Variants in POC1B observed in about 807,000 individuals in gnomAD.
POC1B encodes POC1 centriolar protein B.
A neutral mutation model predicts 60.6 loss-of-function variants in POC1B; 44 were observed. The ratio of observed to expected loss-of-function variants is 0.73; its 90% confidence interval spans 0.57 to 0.93. POC1B has a LOEUF of 0.93. Ranked by LOEUF, POC1B falls within the 40% of genes least tolerant of loss-of-function variation. POC1B has a pLI of 0.00. For synonymous variants in POC1B, 180 were observed against 198.9 expected, an observed-to-expected ratio of 0.90 and a Z score of 0.80; for missense variants, 555 against 572.3, an observed-to-expected ratio of 0.97 and a Z score of 0.31.
chr12:89,423,963 C>A (rs538673548), intron 11 of POC1B, among the ~76,000 whole-genome samples: 59 of 152,242 alleles, frequency 3.9e-4, no homozygotes, highest in African/African-American at 4.8e-5. Context: ...AAACCAACTA[C>A]AACTAAATTT....
chr12:89,406,899 A>G, the POC1B span, among the ~76,000 whole-genome samples: 27 of 152,208 alleles, frequency 1.8e-4, 1 homozygote, highest in African/African-American at 6.3e-4. Context: ...TAATCCCAGC[A>G]CTTTGGGAGG....
chr12:89,467,504 C>A, intron 8 of POC1B, 113 bp downstream of exon 8: 2 of 823,346 alleles, frequency 2.4e-6, no homozygotes, highest in Non-Finnish European at 1.9e-6. Flanking sequence ...AAAATATAAA[C>A]TCATTGACAA....
At chr12:89,464,837 G>T (rs1313662884) in intron 9 of POC1B, among the ~76,000 whole-genome samples, 6 of 150,498 alleles carry the variant, frequency 4.0e-5, no homozygotes, top group African/African-American at 1.5e-4. Context: ...TACAACAATT[G>T]GTTGTTCATA....
intron 2 of POC1B, among the ~76,000 whole-genome samples, chr12:89,509,754 A>G (rs1870085794): frequency 6.6e-6 from 1 of 152,148 alleles, no homozygotes; most frequent in South Asian, 2.1e-4. Context: ...CATGCTCAAT[A>G]TATCTTTGCT....
intron 4 of POC1B, among the ~76,000 whole-genome samples, chr12:89,478,718 ATT>A (rs1160468561): frequency 6.6e-6 from 1 of 152,206 alleles, no homozygotes; most frequent in African/African-American, 2.4e-5. Context: ...AAAATGGTAA[ATT>A]TTGTTATATA....
At chr12:89,486,466 G>C (rs1039374183) in intron 4 of POC1B, among the ~76,000 whole-genome samples, 1 of 152,182 alleles carries the variant, frequency 6.6e-6, no homozygotes, top group African/African-American at 2.4e-5. Context: ...CACTTGAGGA[G>C]ACTTGTCTGG....
intron 2 of POC1B, among the ~76,000 whole-genome samples, chr12:89,514,402 C>CTTTTTCTTTTTTTT (rs1870342345): frequency 1.5e-5 from 1 of 67,088 alleles, no homozygotes; most frequent in Non-Finnish European, 2.6e-5. Flanking sequence ...TCATGTATTT[C>CTTTTTCTTTTTTTT]TTTTTTTTTT....
At chr12:89,474,827 GGCAGT>G (rs1457249345) in intron 4 of POC1B, among the ~76,000 whole-genome samples, 1 of 152,200 alleles carries the variant, frequency 6.6e-6, no homozygotes, top group East Asian at 1.9e-4. Flanking sequence ...GGAACCACGA[GGCAGT>G]GCTGTTAGGA....
At chr12:89,509,855 G>GT (rs1272439949) in intron 2 of POC1B, among the ~76,000 whole-genome samples, 14 of 151,820 alleles carry the variant, frequency 9.2e-5, no homozygotes, top group Admixed American at 3.9e-4. Context: ...ATTCAATTTT[G>GT]GTTTTTTTGC....
At chr12:89,417,668 TAGG>T (rs1348786147), downstream of POC1B, among the ~76,000 whole-genome samples, 1 of 152,240 alleles carries the variant, frequency 6.6e-6, no homozygotes, top group Non-Finnish European at 1.5e-5. Context: ...CTGTAGCAGC[TAGG>T]AAGACAGATA....
intron 10 of POC1B, among the ~76,000 whole-genome samples, chr12:89,448,352 A>G (rs1424599561): frequency 6.6e-6 from 1 of 152,186 alleles, no homozygotes; most frequent in African/African-American, 2.4e-5. Context: ...TTAAAATAGG[A>G]TTCACTTTAT....
chr12:89,502,383 T>C (rs769872673), intron 2 of POC1B: 136 of 1,585,396 alleles, frequency 8.6e-5, no homozygotes, highest in Non-Finnish European at 1.2e-4. Flanking sequence ...AAATAGATTA[T>C]CAAGGAAGGC....
chr12:89,490,848 G>C (rs1468961191), intron 4 of POC1B, among the ~76,000 whole-genome samples: 1 of 152,180 alleles, frequency 6.6e-6, no homozygotes, highest in African/African-American at 2.4e-5. Flanking sequence ...CGTACTGCCA[G>C]TTGTAACTTC....
At chr12:89,499,043 C>T (rs544603436) in intron 2 of POC1B, among the ~76,000 whole-genome samples, 1 of 152,040 alleles carries the variant, frequency 6.6e-6, no homozygotes, top group South Asian at 2.1e-4. Context: ...ATAAAGAGTA[C>T]TCTGAGCACA....
intron 11 of POC1B, among the ~76,000 whole-genome samples, chr12:89,423,921 TG>T (rs1880647130): frequency 6.6e-6 from 1 of 152,146 alleles, no homozygotes; most frequent in Non-Finnish European, 1.5e-5. Context: ...AGGTAACAGT[TG>T]AGGTGAGGAA....
intron 4 of POC1B, among the ~76,000 whole-genome samples, chr12:89,476,796 C>T (rs766195032): frequency 2.0e-5 from 3 of 150,334 alleles, no homozygotes; most frequent in Non-Finnish European, 2.9e-5. Flanking sequence ...ATAAAAAATT[C>T]AAATTTTCCT....
At chr12:89,492,730 G>A (rs927117846) in intron 3 of POC1B, among the ~76,000 whole-genome samples, 2 of 152,130 alleles carry the variant, frequency 1.3e-5, no homozygotes, top group Non-Finnish European at 2.9e-5. Context: ...CTGTGTCCAA[G>A]CCAGAAGCCT....
chr12:89,457,437 G>A (rs1478193326), intron 10 of POC1B, among the ~76,000 whole-genome samples: 1 of 152,152 alleles, frequency 6.6e-6, no homozygotes. Context: ...CTTTTAAAAA[G>A]TCTAACTACT....
intron 2 of POC1B, chr12:89,502,675 G>A (rs1869634244): frequency 2.2e-6 from 3 of 1,337,576 alleles, no homozygotes; most frequent in South Asian, 2.4e-5. Flanking sequence ...AGCATGGTGA[G>A]TTGAAGGTAT....
Sources: allele counts gnomAD v4.1 joint callset (sites outside exome capture counted in the v4.1 genomes callset), GRCh38; gene constraint gnomAD v4.1.1; transcripts MANE v1.5; gene names NCBI Gene and HGNC (gene_info 2026-07-23, HGNC 2026-07-21).